The following DLGAP2 variants were observed in gnomAD, a reference collection of about 807,000 sequenced individuals.
DLGAP2 encodes the protein DLG associated protein 2.
DLGAP2 carries 26 observed loss-of-function variants against 100.3 expected under a neutral mutation model. The observed-to-expected ratio is 0.26, with a 90% CI of 0.19 to 0.36. The LOEUF is 0.36. Among genes scored for constraint, DLGAP2 ranks in the 10% least tolerant of loss-of-function variants. The pLI, the probability that DLGAP2 is intolerant of heterozygous loss-of-function variation, is 1.00. For missense variants in DLGAP2, 1,858 were observed against 1,453.2 expected, an observed-to-expected ratio of 1.28 and a Z score of -4.53; for synonymous variants, 886 against 630.1, an observed-to-expected ratio of 1.41 and a Z score of -6.08.
intron 3 of DLGAP2, among the ~76,000 whole-genome samples, chr8:1,432,814 C>T (rs559081156): frequency 2.0e-5 from 3 of 152,166 alleles, no homozygotes; most frequent in Non-Finnish European, 2.9e-5. Flanking sequence ...CCAGGTTCAG[C>T]GGGAGTCGCC....
intron 3 of DLGAP2, among the ~76,000 whole-genome samples, chr8:1,392,784 G>A (rs377133672): frequency 1.6e-4 from 24 of 146,464 alleles, no homozygotes; most frequent in Non-Finnish European, 3.2e-4. Flanking sequence ...CTTTCTTCGG[G>A]ATAATTGCAG....
chr8:1,051,720 C>T (rs891487720), intron 2 of DLGAP2, among the ~76,000 whole-genome samples: 1 of 152,058 alleles, frequency 6.6e-6, no homozygotes, highest in Non-Finnish European at 1.5e-5. Flanking sequence ...TCATGCAGAT[C>T]CCGCCACGCT....
At chr8:1,285,516 G>T (rs1799903787) in intron 3 of DLGAP2, among the ~76,000 whole-genome samples, 1 of 152,190 alleles carries the variant, frequency 6.6e-6, no homozygotes, top group Non-Finnish European at 1.5e-5. Flanking sequence ...CAGGTATCTG[G>T]TATCTGGGGC....
intron 3 of DLGAP2, among the ~76,000 whole-genome samples, chr8:1,433,251 G>A (rs1325587965): frequency 1.3e-5 from 2 of 152,180 alleles, no homozygotes; most frequent in Non-Finnish European, 2.9e-5. Flanking sequence ...CTGTGCCTCT[G>A]GCAACAGAAC....
Position 1,115,294 on chromosome 8 carries a change from G to A in DLGAP2, c.74-143557G>A, listed in dbSNP as rs77945388. ...CTAACACTGTCAGTGGAATGTTGAC[G>A]TCTTCCACTATTATTGTGTGGGAGT... On this transcript the variant is annotated intron_variant, in intron 2 of 14. Transcript: ENST00000637795. Among the ~76,000 whole-genome samples, 642 of 152,282 alleles carry A rather than the reference G, an allele frequency of 4.2e-3. 12 individuals carry two copies. The highest frequency in any genetic ancestry group is 0.034 in the East Asian group (178 of 5,178).
At chr8:1,049,248 G>A (rs915474282) in intron 2 of DLGAP2, among the ~76,000 whole-genome samples, 5 of 152,238 alleles carry the variant, frequency 3.3e-5, no homozygotes, top group South Asian at 2.1e-4. Flanking sequence ...TTATGCAAAC[G>A]GGGGAAATGT....
chr8:1,349,968 C>T lies in DLGAP2; in HGVS notation c.106+91085C>T, dbSNP rs111891495. Reference sequence around the variant, plus strand: ...ACAAATATGCTGTACTTTACAGAGGCTCTATTTTTTTTCAGCAACCAAAAC... The same window carrying T: ...ACAAATATGCTGTACTTTACAGAGGTTCTATTTTTTTTCAGCAACCAAAAC... On this transcript the variant is annotated intron_variant, in intron 3 of 14. Transcript: ENST00000637795. 8.2e-4 allele frequency among the ~76,000 whole-genome samples: 125 copies of T among 152,276 alleles called. 1 individual carries two copies. The highest frequency in any genetic ancestry group is 2.9e-3 in the African/African-American group (122 of 41,558).
At chr8:1,494,097 G>A (rs1799474673) in intron 3 of DLGAP2, among the ~76,000 whole-genome samples, 1 of 152,232 alleles carries the variant, frequency 6.6e-6, no homozygotes. Context: ...TGCAGGGCAG[G>A]AAAGGCTGCA....
intron 2 of DLGAP2, among the ~76,000 whole-genome samples, chr8:1,212,139 A>G (rs1030628941): frequency 6.6e-6 from 1 of 152,212 alleles, no homozygotes; most frequent in Non-Finnish European, 1.5e-5. Context: ...CAGAAAAAGA[A>G]ATGAAATCAC....
intron 6 of DLGAP2, among the ~76,000 whole-genome samples, chr8:1,583,003 G>A (rs554457013): frequency 4.6e-5 from 7 of 152,320 alleles, no homozygotes; most frequent in African/African-American, 1.7e-4. Context: ...CATGCAGAAA[G>A]TGAGACGCAC....
In DLGAP2 at chr8:872,328, C is replaced by CTTTTTTTT. The variant is rs770291812; in HGVS notation, c.19-35580_19-35579insTTTTTTTT. The stretch of plus-strand genomic sequence containing the variant: ...AACAGAGGAAAGTTTTCTCTCACTT[C>CTTTTTTTT]TTTTCTTTTTTTTTTTTTTTTTGAG... On this transcript the variant is annotated intron_variant, in intron 1 of 14. Coordinates refer to ENST00000637795, the MANE Select transcript of DLGAP2 (RefSeq NM_001346810.2). 3.1e-5 allele frequency among the ~76,000 whole-genome samples: 4 copies of CTTTTTTTT among 129,524 alleles called. 1 individual carries two copies. The highest frequency in any genetic ancestry group is 5.5e-5 in the African/African-American group (2 of 36,136). The allele number at this position is 129,524 out of a possible 152,430, so 85.0% of individuals were successfully genotyped here. A position where few individuals can be genotyped will look rare whatever the true frequency, so the allele number is the denominator to read the frequency against.
At chr8:1,341,634 A>G (rs1415166301) in intron 3 of DLGAP2, among the ~76,000 whole-genome samples, 6 of 152,204 alleles carry the variant, frequency 3.9e-5, no homozygotes, top group Admixed American at 2.0e-4. Flanking sequence ...TTGCAGGTAA[A>G]TATGAACTTG....
intron 1 of DLGAP2, among the ~76,000 whole-genome samples, chr8:764,152 G>T (rs866079544): frequency 1.3e-5 from 2 of 152,106 alleles, no homozygotes; most frequent in Admixed American, 6.5e-5. Context: ...TGTCTGAATT[G>T]GGCCAGGGCT....
chr8:1,358,900 G>T (rs1035625557), intron 3 of DLGAP2, among the ~76,000 whole-genome samples: 63 of 150,756 alleles, frequency 4.2e-4, no homozygotes, highest in Admixed American at 4.1e-3. Flanking sequence ...AGAGACTCGG[G>T]AATTCTCGGT....
intron 3 of DLGAP2, among the ~76,000 whole-genome samples, chr8:1,457,447 C>G (rs755907752): frequency 5.9e-5 from 9 of 152,144 alleles, no homozygotes; most frequent in Non-Finnish European, 1.3e-4. Flanking sequence ...GCATATTTAT[C>G]TATACTCGGT....
intron 2 of DLGAP2, among the ~76,000 whole-genome samples, chr8:1,257,231 A>G (rs1025695651): frequency 4.6e-5 from 7 of 152,010 alleles, no homozygotes; most frequent in Non-Finnish European, 1.0e-4. Flanking sequence ...CCGACCTGCC[A>G]CACACACGGC....
intron 3 of DLGAP2, among the ~76,000 whole-genome samples, chr8:1,332,336 ATGTAT>A (rs1246183984): frequency 1.3e-5 from 2 of 151,942 alleles, no homozygotes; most frequent in South Asian, 2.1e-4. Context: ...GGGTATATGC[ATGTAT>A]TGTGTGTGTG....
chr8:1,355,216 C>T (rs1033099180), intron 3 of DLGAP2, among the ~76,000 whole-genome samples: 10 of 152,362 alleles, frequency 6.6e-5, no homozygotes, highest in Non-Finnish European at 8.8e-5. Flanking sequence ...CGCGTGCTGG[C>T]GTGACAGCGG....
chr8:851,271 G>C (rs533251045), intron 1 of DLGAP2, among the ~76,000 whole-genome samples: 11 of 152,320 alleles, frequency 7.2e-5, no homozygotes, highest in African/African-American at 2.4e-4. Flanking sequence ...CCAGGTGTGT[G>C]TGAGTACAGT....
Sources: gnomAD v4.1 joint callset for allele counts (sites outside exome capture counted in the v4.1 genomes callset) on GRCh38, gnomAD v4.1.1 for gene constraint, MANE v1.5 for transcripts, NCBI Gene and HGNC (gene_info 2026-07-23, HGNC 2026-07-21) for gene names.